ZMYM2: variants seen among roughly 807,000 people sequenced by gnomAD.
ZMYM2 encodes zinc finger MYM-type containing 2.
In ZMYM2, 56 loss-of-function variants were observed where a neutral mutation model predicts 162.8. The ratio of observed to expected loss-of-function variants is 0.34; its 90% CI spans 0.28 to 0.43. The LOEUF is 0.43. Ranked by LOEUF, ZMYM2 falls within the 20% of genes least tolerant of loss-of-function variation. ZMYM2 has a pLI of 1.00. For synonymous variants in ZMYM2, 510 were observed against 541.6 expected (o/e 0.94, Z 0.81); for missense variants, 1,275 against 1,621.8 (o/e 0.79, Z 3.67).
chr13:19,931,511 C>T, the ZMYM2 span, among the ~76,000 whole-genome samples: 1 of 152,176 alleles, frequency 6.6e-6, no homozygotes, highest in Non-Finnish European at 1.5e-5. Context: ...AACCACGATC[C>T]TTTTACTGTC....
the ZMYM2 span, among the ~76,000 whole-genome samples, chr13:19,878,758 G>A: frequency 6.6e-6 from 1 of 152,094 alleles, no homozygotes. Flanking sequence ...CTGACATCGG[G>A]TGATCCACCT....
chr13:20,052,150 C>CT (rs1051887346), intron 13 of ZMYM2, 127 bp from the exon 14 acceptor site: 2 of 755,176 alleles, frequency 2.6e-6, no homozygotes, highest in African/African-American at 3.6e-5. Flanking sequence ...AAATTCTTTC[C>CT]TTAAAATAGT....
chr13:20,080,566 T>A lies in ZMYM2; in HGVS notation c.3454-1450T>A, dbSNP rs144207729. ...GCAGTGGTGTGATCTCATGGCTCAC[T>A]GCAGCTTTGACCTCCCAGGCTCAAG... On this transcript the variant is annotated intron_variant, in intron 21 of 24. Transcript: ENST00000610343. 1.3e-3 allele frequency among the ~76,000 whole-genome samples: 197 copies of A among 152,148 alleles called. 1 individual carries two copies. Among genetic ancestry groups the A allele is most frequent in the Admixed American group, 2.4e-3 (36 of 15,278 alleles).
At chr13:20,042,828 A>C (rs1402744843) in intron 12 of ZMYM2, among the ~76,000 whole-genome samples, 1 of 151,898 alleles carries the variant, frequency 6.6e-6, no homozygotes, top group Non-Finnish European at 1.5e-5. Context: ...GGTTCAAGTG[A>C]TTGTCCTGCC....
In ZMYM2 at chr13:19,993,063, G is replaced by T. The variant is rs754801395; in HGVS notation, c.-10G>T. 2.5e-6 allele frequency: 4 copies of T among 1,581,794 alleles called. No individual in the cohort carries two copies. The highest frequency in any genetic ancestry group is 3.4e-6 in the Non-Finnish European group (4 of 1,166,862). On this transcript the variant is annotated splice_region_variant and 5_prime_UTR_variant, in exon 3 of 25. Coordinates refer to ENST00000610343, the MANE Select transcript of ZMYM2 (RefSeq NM_197968.4). ...ATTCTTTTTTCTATCTTCCTAACAG[G>T]TTCTTTGGCATGGACACAAGTTCAG...
At chr13:19,880,789 CT>C in the ZMYM2 span, among the ~76,000 whole-genome samples, 511 of 152,310 alleles carry the variant, frequency 3.4e-3, 1 homozygote, top group South Asian at 0.026. Context: ...AGAAATGCAA[CT>C]GACTTTTGCA....
At chr13:19,946,121 T>C in the ZMYM2 span, among the ~76,000 whole-genome samples, 1 of 152,208 alleles carries the variant, frequency 6.6e-6, no homozygotes, top group Non-Finnish European at 1.5e-5. Flanking sequence ...CCAATGTCAA[T>C]TCTTGCTCAG....
intron 12 of ZMYM2, among the ~76,000 whole-genome samples, chr13:20,049,259 G>C (rs1955097064): frequency 6.6e-6 from 1 of 151,468 alleles, no homozygotes. Context: ...TTTTTCTTTG[G>C]GTAGAGGGAA....
chr13:19,949,873 C>T, the ZMYM2 span, among the ~76,000 whole-genome samples: 1 of 115,184 alleles, frequency 8.7e-6, no homozygotes, highest in African/African-American at 3.4e-5. Flanking sequence ...GGTGACAGAG[C>T]GAGACTTTGT....
At chr13:20,038,282 C>T (rs945418916) in intron 12 of ZMYM2, among the ~76,000 whole-genome samples, 2 of 152,126 alleles carry the variant, frequency 1.3e-5, no homozygotes, top group African/African-American at 4.8e-5. Flanking sequence ...TGCAGAAGCT[C>T]TTTAATTAAA....
the ZMYM2 span, among the ~76,000 whole-genome samples, chr13:19,879,171 ATAAGG>A: frequency 1.3e-5 from 2 of 152,172 alleles, no homozygotes; most frequent in African/African-American, 4.8e-5. Flanking sequence ...TGTGTGTATT[ATAAGG>A]TAAGAGTCCC....
At chr13:20,025,055 A>G (rs1952456298) in intron 7 of ZMYM2, 1 of 212,260 alleles carries the variant, frequency 4.7e-6, no homozygotes, top group South Asian at 1.9e-4. Flanking sequence ...TTTTATTTTT[A>G]CCTTCCATTT....
chr13:19,878,517 C>CCCCCTTT, the ZMYM2 span, among the ~76,000 whole-genome samples: 3 of 99,028 alleles, frequency 3.0e-5, no homozygotes, highest in Non-Finnish European at 4.2e-5. Context: ...TTCCTTTGCC[C>CCCCCTTT]TTTTTTTTTT....
upstream of ZMYM2, among the ~76,000 whole-genome samples, chr13:19,954,126 A>ATTTTTTTTTTATTTTTTTTTTTTTTTTT (rs1954471829): frequency 1.5e-5 from 1 of 64,878 alleles, no homozygotes; most frequent in Non-Finnish European, 3.0e-5. Context: ...GCTATGTTTA[A>ATTTTTTTTTTATTTTTTTTTTTTTTTTT]TTTTTTTTTT....
At chr13:19,883,332 T>G in the ZMYM2 span, among the ~76,000 whole-genome samples, 1 of 152,236 alleles carries the variant, frequency 6.6e-6, no homozygotes, top group Non-Finnish European at 1.5e-5. Flanking sequence ...AGGTGGTGGT[T>G]GCACAAAATT....
the ZMYM2 span, among the ~76,000 whole-genome samples, chr13:19,870,595 C>CCTTCCTTCCTTTCTTTCTTT: frequency 2.1e-5 from 3 of 142,694 alleles, no homozygotes; most frequent in African/African-American, 7.9e-5. Context: ...TTCCTTCCTT[C>CCTTCCTTCCTTTCTTTCTTT]CTTTCTTTCT....
chr13:19,937,712 T>A, the ZMYM2 span, among the ~76,000 whole-genome samples: 5 of 151,830 alleles, frequency 3.3e-5, no homozygotes, highest in Non-Finnish European at 5.9e-5. Flanking sequence ...TAAGTATACA[T>A]GTGCCATGTT....
At chr13:19,933,155 T>C in the ZMYM2 span, among the ~76,000 whole-genome samples, 1 of 152,148 alleles carries the variant, frequency 6.6e-6, no homozygotes, top group African/African-American at 2.4e-5. Flanking sequence ...TCTCACTATG[T>C]TGCCCATGCT....
upstream of ZMYM2, among the ~76,000 whole-genome samples, chr13:19,955,163 A>ATTATTC (rs1283927811): frequency 6.8e-6 from 1 of 148,120 alleles, no homozygotes; most frequent in Non-Finnish European, 1.5e-5. Flanking sequence ...TATTATTATT[A>ATTATTC]TTATTTGGAT....
Sources: allele counts gnomAD v4.1 joint callset (sites outside exome capture counted in the v4.1 genomes callset), GRCh38; gene constraint gnomAD v4.1.1; transcripts MANE v1.5; gene names NCBI Gene and HGNC (gene_info 2026-07-23, HGNC 2026-07-21).